SMIM3: variants seen among roughly 807,000 people sequenced by gnomAD.
SMIM3 encodes the protein small integral membrane protein 3, also known as NGF-induced differentiation clone 67 protein.
In SMIM3, 4 loss-of-function variants were observed where a neutral mutation model predicts 2.1. That is an observed-to-expected ratio of 1.89 (90% CI 0.93 to 4.31). The LOEUF (loss-of-function observed/expected upper bound fraction) is 4.31, where lower values mean the gene tolerates loss of function less well. Among genes scored for constraint, SMIM3 ranks in the 30% most tolerant of loss-of-function variants. SMIM3 has a pLI of 0.01. For synonymous variants in SMIM3, 29 were observed against 30.8 expected (o/e 0.94, Z 0.19); for missense variants, 79 against 77.7 (o/e 1.02, Z -0.06).
chr5:150,780,107 G>A (rs1484569181), intron 1 of SMIM3, among the ~76,000 whole-genome samples: 1 of 152,200 alleles, frequency 6.6e-6, no homozygotes, highest in Non-Finnish European at 1.5e-5. Context: ...TGGCCACATA[G>A]TTTGGAAGGA....
chr5:150,785,583 T>TC (rs1356815803), intron 1 of SMIM3, among the ~76,000 whole-genome samples: 17 of 105,528 alleles, frequency 1.6e-4, no homozygotes, highest in South Asian at 3.3e-4. Flanking sequence ...TTCTTTTCTT[T>TC]TTTTTTTTTT....
intron 1 of SMIM3, among the ~76,000 whole-genome samples, chr5:150,791,998 C>T (rs1753354532): frequency 6.6e-6 from 1 of 152,072 alleles, no homozygotes; most frequent in South Asian, 2.1e-4. Context: ...TACAGATATA[C>T]CCTTCTTTAT....
rs1214664467 is a variant in SMIM3 at position 150,796,292 on chromosome 5, T to C, written c.*669T>C. 6.5e-6 allele frequency: 1 copy of C among 152,882 alleles called. No homozygotes were observed. Among genetic ancestry groups the C allele is most frequent in the African/African-American group, 2.4e-5 (1 of 41,428 alleles). The allele number at this position is 152,882 out of a possible 1,614,324, so 9.5% of individuals were successfully genotyped here. A position where few individuals can be genotyped will look rare whatever the true frequency, so the allele number is the denominator to read the frequency against. On this transcript the variant is annotated 3_prime_UTR_variant, in exon 2 of 2. Transcript: ENST00000526627. ...TTCTGCACTGGAGTCTCACATCTGT[T>C]AGCTTTGACACTCAAGCAATGTTGG...
chr5:150,785,586 T>TC (rs1753283319), intron 1 of SMIM3, among the ~76,000 whole-genome samples: 1 of 106,444 alleles, frequency 9.4e-6, no homozygotes, highest in Admixed American at 8.0e-5. Flanking sequence ...TTTTCTTTTT[T>TC]TTTTTTTTTT....
chr5:150,791,538 T>C (rs1753349784), intron 1 of SMIM3, among the ~76,000 whole-genome samples: 1 of 152,180 alleles, frequency 6.6e-6, no homozygotes, highest in East Asian at 1.9e-4. Flanking sequence ...TTATATCCTT[T>C]AGCATAATGT....
intron 1 of SMIM3, among the ~76,000 whole-genome samples, chr5:150,782,264 T>C (rs2113198428): frequency 6.6e-6 from 1 of 152,282 alleles, no homozygotes. Context: ...CTGTGCTGGG[T>C]TGGTAAATGT....
At chr5:150,793,244 G>T (rs1046605456) in intron 1 of SMIM3, among the ~76,000 whole-genome samples, 9 of 152,056 alleles carry the variant, frequency 5.9e-5, no homozygotes, top group Non-Finnish European at 1.3e-4. Flanking sequence ...TAACCATACT[G>T]CCAAAAGCAA....
At chr5:150,785,462 T>C (rs1753280986) in intron 1 of SMIM3, among the ~76,000 whole-genome samples, 1 of 152,226 alleles carries the variant, frequency 6.6e-6, no homozygotes, top group Non-Finnish European at 1.5e-5. Flanking sequence ...TCTGCTGTTT[T>C]TAAATTCCAT....
intron 1 of SMIM3, among the ~76,000 whole-genome samples, chr5:150,785,540 C>CT (rs767164300): frequency 6.9e-6 from 1 of 144,536 alleles, no homozygotes; most frequent in Non-Finnish European, 1.5e-5. Context: ...TCTTATTTCT[C>CT]TTTATCTTTG....
At chr5:150,781,444 G>A (rs148065925) in intron 1 of SMIM3, among the ~76,000 whole-genome samples, 128 of 152,244 alleles carry the variant, frequency 8.4e-4, no homozygotes, top group African/African-American at 2.9e-3. Flanking sequence ...ATAATTGCCT[G>A]GCACATTAAA....
chr5:150,779,829 A>ATC (rs1753212584), intron 1 of SMIM3, among the ~76,000 whole-genome samples: 2 of 111,024 alleles, frequency 1.8e-5, no homozygotes, highest in South Asian at 3.2e-4. Flanking sequence ...GAAAGGTGTA[A>ATC]CCCCCCCCGC....
At chr5:150,781,744 T>C (rs965927870) in intron 1 of SMIM3, among the ~76,000 whole-genome samples, 5 of 151,428 alleles carry the variant, frequency 3.3e-5, no homozygotes, top group African/African-American at 1.2e-4. Flanking sequence ...CACCGCCCGG[T>C]GCTCTTGCAG....
In SMIM3 at chr5:150,795,759, T is replaced by G; in HGVS notation, c.*136T>G. 1 of 975,720 alleles carries G rather than the reference T, an allele frequency of 1.0e-6. No individual in the cohort carries two copies. Among genetic ancestry groups the G allele is most frequent in the Non-Finnish European group, 1.5e-6 (1 of 675,116 alleles). 60.4% of individuals were successfully genotyped at this position (975,720 alleles called of 1,614,324 possible). A position where few individuals can be genotyped will look rare whatever the true frequency, so the allele number is the denominator to read the frequency against. On this transcript the variant is annotated 3_prime_UTR_variant, in exon 2 of 2. Coordinates refer to ENST00000526627, the MANE Select transcript of SMIM3 (RefSeq NM_032947.5). ...GGTTTTGATTCTGCCACGAGCCAGC[T>G]GTGTGAATTTGGTCAAGGGACCTAA...
rs912966771 is a variant in SMIM3 at position 150,795,751 on chromosome 5, G to C, written c.*128G>C. The C allele has an allele frequency of 1.9e-6, 2 of 1,046,006 alleles. No individual in the cohort carries two copies. The highest frequency in any genetic ancestry group is 1.4e-6 in the Non-Finnish European group (1 of 737,042). The allele number at this position is 1,046,006 out of a possible 1,614,324, so 64.8% of individuals were successfully genotyped here. A position where few individuals can be genotyped will look rare whatever the true frequency, so the allele number is the denominator to read the frequency against. ...TGAGTTCTGGTTTTGATTCTGCCACGAGCCAGCTGTGTGAATTTGGTCAAG... is the reference window on the plus strand; with the variant it reads ...TGAGTTCTGGTTTTGATTCTGCCACCAGCCAGCTGTGTGAATTTGGTCAAG... On this transcript the variant is annotated 3_prime_UTR_variant, in exon 2 of 2. Coordinates refer to ENST00000526627, the MANE Select transcript of SMIM3 (RefSeq NM_032947.5).
intron 1 of SMIM3, among the ~76,000 whole-genome samples, chr5:150,779,748 G>A (rs1384083441): frequency 6.6e-6 from 1 of 152,030 alleles, no homozygotes; most frequent in Non-Finnish European, 1.5e-5. Context: ...CATCTCTGAG[G>A]CATTCTCAGC....
rs1365598766 is a variant in SMIM3 at position 150,795,507 on chromosome 5, A to G, written c.67A>G (p.Ile23Val). ...CAAGCACATCCTGGATATCTGGGTT[A>G]TTGTCCTCATCATCCTGGCCACCAT... ...LPKHILDIWVIVLIILATIVI... is the reference protein window; with the variant it reads ...LPKHILDIWVVVLIILATIVI... The change falls in exon 2 of 2, where the codon ATT (isoleucine) becomes GTT (valine). Residue 23 changes from isoleucine (I) to valine (V), a missense_variant. Transcript: ENST00000526627. 1 of 1,613,602 alleles carries G rather than the reference A, an allele frequency of 6.2e-7. No homozygotes were observed. The highest frequency in any genetic ancestry group is 1.7e-5 in the Admixed American group (1 of 60,014).
chr5:150,782,068 T>C (rs113998374), intron 1 of SMIM3, among the ~76,000 whole-genome samples: 2,217 of 152,282 alleles, frequency 0.015, 47 homozygotes, highest in African/African-American at 0.049. Context: ...AGGTCTGTAG[T>C]CTGTTAGGAA....
At chr5:150,784,926 T>C (rs1056999074) in intron 1 of SMIM3, among the ~76,000 whole-genome samples, 2 of 152,152 alleles carry the variant, frequency 1.3e-5, no homozygotes, top group African/African-American at 2.4e-5. Flanking sequence ...GGTTACAATA[T>C]GCATCCTTGA....
chr5:150,780,069 T>C (rs1460099259), intron 1 of SMIM3, among the ~76,000 whole-genome samples: 1 of 152,120 alleles, frequency 6.6e-6, no homozygotes, highest in Admixed American at 6.5e-5. Context: ...TCCTTGAACA[T>C]CTGCTATGAT....
Sources: allele counts gnomAD v4.1 joint callset (sites outside exome capture counted in the v4.1 genomes callset), GRCh38; gene constraint gnomAD v4.1.1; transcripts MANE v1.5; gene names NCBI Gene and HGNC (gene_info 2026-07-23, HGNC 2026-07-21).